The following SNTG1 variants were observed in gnomAD, a reference collection of about 807,000 sequenced individuals.
SNTG1 encodes syntrophin gamma 1, also known as gamma-1-syntrophin.
In SNTG1, 39 loss-of-function variants were observed where a neutral mutation model predicts 74.7. The observed-to-expected ratio is 0.52, with a 90% CI of 0.40 to 0.68. The LOEUF (loss-of-function observed/expected upper bound fraction) is 0.68, where lower values mean the gene tolerates loss of function less well. SNTG1 is among the 30% of genes least tolerant of loss of function. The pLI is 0.00. For synonymous variants in SNTG1, 254 were observed against 217.1 expected (o/e 1.17, Z -1.49); for missense variants, 685 against 609.5 (o/e 1.12, Z -1.30).
At chr8:50,525,444 A>C (rs1224112394) in intron 9 of SNTG1, among the ~76,000 whole-genome samples, 3 of 152,072 alleles carry the variant, frequency 2.0e-5, no homozygotes, top group Non-Finnish European at 2.9e-5. Context: ...ATTTTTGAAA[A>C]TTATTTCTTT....
intron 2 of SNTG1, among the ~76,000 whole-genome samples, chr8:50,225,351 C>G (rs1381158350): frequency 1.3e-5 from 2 of 152,150 alleles, no homozygotes; most frequent in South Asian, 4.1e-4. Flanking sequence ...TTATCTTAAC[C>G]CAGACACTTA....
At chr8:49,923,165 A>T (rs537427425) in intron 1 of SNTG1, among the ~76,000 whole-genome samples, 2 of 152,286 alleles carry the variant, frequency 1.3e-5, no homozygotes, top group African/African-American at 4.8e-5. Context: ...TGTCAAAAAC[A>T]CTGACAAATA....
At chr8:50,416,053 T>C (rs2093009707) in intron 4 of SNTG1, among the ~76,000 whole-genome samples, 1 of 152,198 alleles carries the variant, frequency 6.6e-6, no homozygotes. Context: ...ACAATGTCAA[T>C]GCTTTTATCT....
intron 18 of SNTG1, among the ~76,000 whole-genome samples, chr8:50,765,478 T>A (rs1362671992): frequency 6.6e-6 from 1 of 151,918 alleles, no homozygotes; most frequent in Non-Finnish European, 1.5e-5. Flanking sequence ...GTCTCTGGGT[T>A]CTTAGTCTGC....
At chr8:50,462,840 C>T (rs1371594918) in intron 8 of SNTG1, among the ~76,000 whole-genome samples, 8 of 71,652 alleles carry the variant, frequency 1.1e-4, no homozygotes, top group East Asian at 4.6e-4. Context: ...TTTTTTGAGA[C>T]GAAGTCTCAT....
intron 1 of SNTG1, among the ~76,000 whole-genome samples, chr8:50,027,160 G>T (rs188615609): frequency 1.3e-5 from 2 of 152,254 alleles, no homozygotes; most frequent in East Asian, 3.9e-4. Context: ...GTGAAAGCGG[G>T]TGCTTTGATG....
At chr8:50,090,208 A>C (rs2079667730) in intron 1 of SNTG1, among the ~76,000 whole-genome samples, 1 of 152,176 alleles carries the variant, frequency 6.6e-6, no homozygotes, top group Non-Finnish European at 1.5e-5. Flanking sequence ...TATATTACTC[A>C]GGCTGTTTCA....
At chr8:50,053,655 G>GTGTGTGTGTGTGTA (rs1563527499) in intron 1 of SNTG1, among the ~76,000 whole-genome samples, 1 of 150,614 alleles carries the variant, frequency 6.6e-6, no homozygotes, top group Non-Finnish European at 1.5e-5. Flanking sequence ...GTGTGTGTGT[G>GTGTGTGTGTGTGTA]TGTATAATCC....
intron 1 of SNTG1, among the ~76,000 whole-genome samples, chr8:49,999,690 T>C (rs1814570488): frequency 1.3e-5 from 2 of 152,180 alleles, no homozygotes; most frequent in South Asian, 2.1e-4. Context: ...GGCTTAGCTC[T>C]GATGTCACCT....
At chr8:50,043,432 G>A (rs1818811433) in intron 1 of SNTG1, among the ~76,000 whole-genome samples, 2 of 152,152 alleles carry the variant, frequency 1.3e-5, no homozygotes, top group African/African-American at 4.8e-5. Context: ...TTAAAAAGAA[G>A]TAACTGGAAA....
chr8:50,710,952 G>A (rs2095459849), intron 17 of SNTG1, among the ~76,000 whole-genome samples: 1 of 150,844 alleles, frequency 6.6e-6, no homozygotes, highest in Non-Finnish European at 1.5e-5. Flanking sequence ...TCTCAGAATT[G>A]GGAAAGGCTA....
Position 50,094,240 on chromosome 8 carries a change from A to G in SNTG1, c.-102-78321A>G, listed in dbSNP as rs528888971. Among the ~76,000 whole-genome samples the G allele has an allele frequency of 7.9e-5, 12 of 152,278 alleles. No individual in the cohort carries two copies. In the East Asian group the frequency reaches 1.7e-3, roughly 22 times the overall value. On this transcript the variant is annotated intron_variant, in intron 1 of 18. Coordinates refer to ENST00000642720, the MANE Select transcript of SNTG1 (RefSeq NM_018967.5). ...ATGAGAGATTATTGTGCTAAGGGAA[A>G]GAAGATGGAACTGAACTGTCAAACC...
intron 1 of SNTG1, among the ~76,000 whole-genome samples, chr8:50,003,722 G>T (rs1279300358): frequency 6.6e-6 from 1 of 152,064 alleles, no homozygotes; most frequent in African/African-American, 2.4e-5. Flanking sequence ...ATCTGCTCTC[G>T]TATATATTAA....
intron 1 of SNTG1, among the ~76,000 whole-genome samples, chr8:50,010,104 T>G (rs1815631092): frequency 6.6e-6 from 1 of 152,202 alleles, no homozygotes; most frequent in South Asian, 2.1e-4. Flanking sequence ...TTGTAATCAG[T>G]TTGTTTTAAA....
intron 1 of SNTG1, among the ~76,000 whole-genome samples, chr8:50,047,993 A>G (rs1819244976): frequency 6.6e-6 from 1 of 152,192 alleles, no homozygotes; most frequent in Admixed American, 6.6e-5. Flanking sequence ...GTATTAAATG[A>G]GAGGGCATAT....
intron 15 of SNTG1, among the ~76,000 whole-genome samples, chr8:50,679,420 C>T (rs549309309): frequency 3.5e-4 from 54 of 152,132 alleles, no homozygotes; most frequent in African/African-American, 1.2e-3. Context: ...AGAATCCTTA[C>T]CTTTAAATCA....
intron 3 of SNTG1, 54 bp downstream of exon 3, chr8:50,394,319 A>G: frequency 6.4e-7 from 1 of 1,572,468 alleles, no homozygotes; most frequent in Non-Finnish European, 8.7e-7. Flanking sequence ...ATAAGCGGGA[A>G]ACACTTGGCT....
intron 5 of SNTG1, among the ~76,000 whole-genome samples, chr8:50,445,695 C>T (rs1390027226): frequency 6.6e-6 from 1 of 152,168 alleles, no homozygotes; most frequent in Admixed American, 6.5e-5. Flanking sequence ...TTGTATTTCT[C>T]CATAAACTAC....
intron 1 of SNTG1, among the ~76,000 whole-genome samples, chr8:50,047,929 G>T (rs898581293): frequency 6.6e-6 from 1 of 152,186 alleles, no homozygotes; most frequent in Non-Finnish European, 1.5e-5. Context: ...AAAATTTTAA[G>T]TTTTTTCTGC....
Sources: gnomAD v4.1 joint callset for allele counts (sites outside exome capture counted in the v4.1 genomes callset) on GRCh38, gnomAD v4.1.1 for gene constraint, MANE v1.5 for transcripts, NCBI Gene and HGNC (gene_info 2026-07-23, HGNC 2026-07-21) for gene names.